Variants in CCL28 observed in about 807,000 individuals in gnomAD.
The protein encoded by CCL28 is C-C motif chemokine 28.
CCL28 carries 4 observed loss-of-function variants against 7.1 expected under a neutral mutation model. The ratio of observed to expected loss-of-function variants is 0.56; its 90% CI spans 0.28 to 1.29. CCL28 has a LOEUF of 1.29. CCL28 is among the 50% of genes most tolerant of loss of function. CCL28 has a pLI of 0.11. For synonymous variants in CCL28, 55 were observed against 57.8 expected, an observed-to-expected ratio of 0.95 and a Z score of 0.22; for missense variants, 151 against 163.4, an observed-to-expected ratio of 0.92 and a Z score of 0.41.
downstream of CCL28, chr5:43,376,530 T>C (rs567381009): frequency 1.3e-5 from 2 of 152,238 alleles, no homozygotes; most frequent in Non-Finnish European, 2.9e-5. Context: ...CAACATCAGA[T>C]ATGTAAATGT....
At chr5:43,400,082 G>A (rs1156638495) in intron 1 of CCL28, among the ~76,000 whole-genome samples, 1 of 152,020 alleles carries the variant, frequency 6.6e-6, no homozygotes, top group East Asian at 1.9e-4. Context: ...CTAGCCTCAA[G>A]CAATCCTCCC....
chr5:43,388,285 A>G lies in CCL28; in HGVS notation c.191+65T>C, dbSNP rs192433506. On this transcript the variant is annotated intron_variant, in intron 2 of 2. Coordinates refer to ENST00000361115, the MANE Select transcript of CCL28 (RefSeq NM_148672.3). Reference sequence around the variant, plus strand: ...TAATCAAGCAAAGCCTTTCCAACCTATTATTCGTTGGGCAGGGAAATAATC... The same window carrying G: ...TAATCAAGCAAAGCCTTTCCAACCTGTTATTCGTTGGGCAGGGAAATAATC... 3.6e-4 allele frequency: 565 copies of G among 1,588,578 alleles called. 2 individuals are homozygous for G. In the African/African-American group the frequency reaches 6.6e-3, roughly 19 times the overall value.
chr5:43,388,506 A>G (rs2111757365), intron 1 of CCL28, 30 bp from the exon 2 acceptor site: 1 of 1,608,650 alleles, frequency 6.2e-7, no homozygotes. Context: ...AAAATGTTAA[A>G]TTTTACGGTT....
At chr5:43,405,097 C>G (rs1345175144) in intron 1 of CCL28, among the ~76,000 whole-genome samples, 1 of 151,684 alleles carries the variant, frequency 6.6e-6, no homozygotes, top group African/African-American at 2.4e-5. Flanking sequence ...GACAAATCAA[C>G]AAGACAGAAA....
At chr5:43,411,225 T>A (rs1322059225) in intron 1 of CCL28, among the ~76,000 whole-genome samples, 1 of 152,186 alleles carries the variant, frequency 6.6e-6, no homozygotes, top group Non-Finnish European at 1.5e-5. Flanking sequence ...GACCAAAGAC[T>A]TATATTCCAC....
At chr5:43,410,714 T>TG (rs1248121495) in intron 1 of CCL28, among the ~76,000 whole-genome samples, 1 of 152,086 alleles carries the variant, frequency 6.6e-6, no homozygotes, top group Non-Finnish European at 1.5e-5. Context: ...GGAAGCTGGA[T>TG]GGAGGTACAC....
At chr5:43,360,180 T>A in the CCL28 span, among the ~76,000 whole-genome samples, 2 of 152,136 alleles carry the variant, frequency 1.3e-5, no homozygotes, top group Non-Finnish European at 2.9e-5. Context: ...AAATGAAAAC[T>A]CAAATGTCAA....
chr5:43,386,046 C>G (rs1267373706), intron 2 of CCL28, among the ~76,000 whole-genome samples: 1 of 152,122 alleles, frequency 6.6e-6, no homozygotes, highest in Non-Finnish European at 1.5e-5. Flanking sequence ...TATTGGAGCC[C>G]TTACAAGCTT....
intron 1 of CCL28, among the ~76,000 whole-genome samples, chr5:43,403,464 G>A (rs1420149500): frequency 6.6e-6 from 1 of 152,200 alleles, no homozygotes; most frequent in African/African-American, 2.4e-5. Flanking sequence ...CTGTCAGAAG[G>A]AAAACTAACA....
At chr5:43,390,795 A>G (rs186290287) in intron 1 of CCL28, among the ~76,000 whole-genome samples, 197 of 152,316 alleles carry the variant, frequency 1.3e-3, no homozygotes, top group African/African-American at 4.4e-3. Flanking sequence ...AATTGTCAAG[A>G]ATATTTGGAT....
chr5:43,375,336 T>C (rs1579713526), downstream of CCL28, among the ~76,000 whole-genome samples: 5 of 107,440 alleles, frequency 4.7e-5, no homozygotes, highest in South Asian at 1.5e-3. Flanking sequence ...CACTCCAGCC[T>C]GGGGGACAGA....
At chr5:43,375,951 C>T (rs1404529289), downstream of CCL28, among the ~76,000 whole-genome samples, 1 of 152,188 alleles carries the variant, frequency 6.6e-6, no homozygotes, top group Non-Finnish European at 1.5e-5. Flanking sequence ...AGGAGAATCG[C>T]TTGAGCCTGG....
intron 1 of CCL28, among the ~76,000 whole-genome samples, chr5:43,402,642 G>A (rs1741085237): frequency 6.6e-6 from 1 of 152,178 alleles, no homozygotes; most frequent in South Asian, 2.1e-4. Flanking sequence ...CTGAGGTACT[G>A]GGACCATCTC....
intron 1 of CCL28, among the ~76,000 whole-genome samples, chr5:43,391,956 G>C (rs901645082): frequency 4.6e-5 from 7 of 151,946 alleles, no homozygotes; most frequent in African/African-American, 1.7e-4. Flanking sequence ...TACTTTATTT[G>C]CTTTTCTAGA....
intron 1 of CCL28, among the ~76,000 whole-genome samples, chr5:43,396,216 C>T (rs1287744594): frequency 1.3e-5 from 2 of 152,110 alleles, no homozygotes; most frequent in African/African-American, 4.8e-5. Context: ...CTGACGTTGC[C>T]ATGGCATTTG....
intron 1 of CCL28, among the ~76,000 whole-genome samples, chr5:43,400,901 G>A (rs568152672): frequency 5.9e-4 from 89 of 152,044 alleles, no homozygotes; most frequent in African/African-American, 2.1e-3. Context: ...GACTAACATG[G>A]TGAAACCCCG....
rs887717337 is a variant in CCL28 at position 43,394,494 on chromosome 5, A to C, written c.65-6018T>G. 2.6e-5 allele frequency among the ~76,000 whole-genome samples: 4 copies of C among 152,246 alleles called. No individual in the cohort carries two copies. The South Asian group carries it at 6.2e-4, about 24-fold the overall frequency. ...TTGGTCCTCCAAGATCTTTATGAAG[A>C]AAATGATAAGATAATGTCGTATATC... On this transcript the variant is annotated intron_variant, in intron 1 of 2. Transcript: ENST00000361115.
At position 43,388,445 on chromosome 5, in the gene CCL28, C is replaced by G; in HGVS notation, c.96G>C (p.Thr32=). 6.2e-7 allele frequency: 1 copy of G among 1,613,858 alleles called. No individual in the cohort carries two copies. Among genetic ancestry groups the G allele is most frequent in the East Asian group, 2.2e-5 (1 of 44,882 alleles). Residue 32 remains threonine (T), a synonymous_variant, in exon 2 of 3, where the codon ACG becomes ACC. Coordinates refer to ENST00000361115, the MANE Select transcript of CCL28 (RefSeq NM_148672.3). ...AILPIASSCC[T]EVSHHISRRL... is the part of the protein sequence containing the mutation. Reference sequence around the variant, plus strand: ...TTCTGGAAATATGATGTGAAACCTCCGTGCAACAGCTGGAGGCAATGGGAA... The same window carrying G: ...TTCTGGAAATATGATGTGAAACCTCGGTGCAACAGCTGGAGGCAATGGGAA...
chr5:43,395,983 T>C (rs1168817098), intron 1 of CCL28, among the ~76,000 whole-genome samples: 1 of 150,140 alleles, frequency 6.7e-6, no homozygotes, highest in African/African-American at 2.4e-5. Context: ...GCCATTCTCC[T>C]GCCTCAGCCT....
Sources: gnomAD v4.1 joint callset for allele counts (sites outside exome capture counted in the v4.1 genomes callset) on GRCh38, gnomAD v4.1.1 for gene constraint, MANE v1.5 for transcripts, NCBI Gene and HGNC (gene_info 2026-07-23, HGNC 2026-07-21) for gene names.